SLC25A16: variants seen among roughly 807,000 people sequenced by gnomAD.
SLC25A16 encodes mitochondrial coenzyme A transporter SLC25A16.
Under a neutral mutation model 41.5 loss-of-function variants are expected in SLC25A16, and 39 were observed. The ratio of observed to expected loss-of-function variants is 0.94; its 90% CI spans 0.73 to 1.23. The LOEUF is 1.23. Ranked by LOEUF, SLC25A16 falls within the 50% of genes most tolerant of loss-of-function variation. SLC25A16 has a pLI of 0.00. For synonymous variants in SLC25A16, 146 were observed against 147.8 expected (o/e 0.99, Z 0.09); for missense variants, 421 against 426.9 (o/e 0.99, Z 0.12).
intron 4 of SLC25A16, chr10:68,499,853 G>T: frequency 1.9e-6 from 1 of 525,718 alleles, no homozygotes; most frequent in Admixed American, 2.5e-5. Flanking sequence ...GTTCTCACTA[G>T]GATAAAACTG....
Position 68,493,580 on chromosome 10 carries a change from A to G in SLC25A16, c.422-10T>C. 6.2e-7 allele frequency: 1 copy of G among 1,609,178 alleles called. No homozygotes were observed. Among genetic ancestry groups the G allele is most frequent in the Non-Finnish European group, 8.5e-7 (1 of 1,175,996 alleles). On this transcript the variant is annotated splice_polypyrimidine_tract_variant and intron_variant, in intron 4 of 8. Coordinates refer to ENST00000609923, the MANE Select transcript of SLC25A16 (RefSeq NM_152707.4). ...ATAACTGCTGTCATACCTGAAAAGAAAGTAGAAATTTAGAGGTACAATGAA... is the reference window on the plus strand; with the variant it reads ...ATAACTGCTGTCATACCTGAAAAGAGAGTAGAAATTTAGAGGTACAATGAA...
intron 3 of SLC25A16, among the ~76,000 whole-genome samples, chr10:68,505,125 C>A (rs1284848265): frequency 6.6e-6 from 1 of 152,060 alleles, no homozygotes; most frequent in African/African-American, 2.4e-5. Flanking sequence ...ACAGTGAGAC[C>A]CCATCTCTAC....
intron 1 of SLC25A16, chr10:68,517,678 T>C (rs535265911): frequency 1.3e-5 from 2 of 152,102 alleles, no homozygotes; most frequent in African/African-American, 4.8e-5. Context: ...CAAAAAATTT[T>C]TTAAAATCGG....
intron 1 of SLC25A16, among the ~76,000 whole-genome samples, chr10:68,526,942 C>T (rs892767458): frequency 2.0e-5 from 3 of 152,132 alleles, no homozygotes; most frequent in Non-Finnish European, 4.4e-5. Flanking sequence ...CACTAAAACC[C>T]CAGGGTCTCT....
At chr10:68,512,638 C>CAA (rs1163431016) in intron 2 of SLC25A16, among the ~76,000 whole-genome samples, 11 of 17,094 alleles carry the variant, frequency 6.4e-4, no homozygotes, top group East Asian at 1.8e-3. Context: ...GACTCCGTCT[C>CAA]AAAAAAAAAA....
rs748918944 is a variant in SLC25A16, at chr10:68,516,839, A to C, written c.135T>G (p.Ile45Met). The part of the protein sequence containing the change: ...YWLRSFLAGG[I>M]AGCCAKTTVA... ...CTGTTGTTTTGGCACAGCATCCAGC[A>C]ATACCTAAAAATTTTTCAAAAGGTC... Residue 45 changes from isoleucine (I) to methionine (M), a missense_variant, in exon 2 of 9, where the codon ATT (isoleucine) becomes ATG (methionine). Transcript: ENST00000609923. 11 of 1,610,712 alleles carry C rather than the reference A, an allele frequency of 6.8e-6. No individual in the cohort carries two copies. The highest frequency in any genetic ancestry group is 7.6e-6 in the Non-Finnish European group (9 of 1,178,422).
chr10:68,483,745 C>T (rs2052515478), intron 8 of SLC25A16, 157 bp from the exon 9 acceptor site: 1 of 185,602 alleles, frequency 5.4e-6, no homozygotes, highest in African/African-American at 2.4e-5. Context: ...TCACTGCAGC[C>T]TCTGCCTCCC....
intron 1 of SLC25A16, among the ~76,000 whole-genome samples, chr10:68,519,571 T>C (rs2053217507): frequency 6.6e-6 from 1 of 152,054 alleles, no homozygotes; most frequent in African/African-American, 2.4e-5. Flanking sequence ...TACATTTGGT[T>C]TCAGAATATT....
At chr10:68,488,322 G>GA (rs2052598828) in intron 7 of SLC25A16, 145 bp downstream of exon 7, 5 of 549,776 alleles carry the variant, frequency 9.1e-6, no homozygotes, top group East Asian at 3.3e-5. Flanking sequence ...ACACACATCT[G>GA]AAAAAATGTA....
chr10:68,496,562 T>C, intron 4 of SLC25A16: 1 of 983,976 alleles, frequency 1.0e-6, no homozygotes, highest in South Asian at 4.7e-5. Flanking sequence ...CTTTCAATTT[T>C]TATGAATGTG....
intron 1 of SLC25A16, among the ~76,000 whole-genome samples, chr10:68,526,974 C>T (rs2053347731): frequency 6.6e-6 from 1 of 152,190 alleles, no homozygotes; most frequent in Admixed American, 6.5e-5. Context: ...TCCTCTTTTC[C>T]CTGTTATCCA....
Position 68,506,590 on chromosome 10 carries a change from T to C in SLC25A16, c.352A>G (p.Lys118Glu), listed in dbSNP as rs764758123. Residue 118 changes from lysine (K) to glutamate (E), a missense_variant, in exon 3 of 9, where the codon AAA becomes GAA. Lys to Glu is a moderately conservative substitution (Grantham distance 56). Coordinates refer to ENST00000609923, the MANE Select transcript of SLC25A16 (RefSeq NM_152707.4). ...AIQFMAFEHY[K>E]TLITTKLGIS... ...AAAGATCAAAGTTTAACTACCGTTT[T>C]ATAATGCTCAAATGCCATAAACTGG... 1.0e-5 allele frequency: 16 copies of C among 1,578,446 alleles called. No homozygotes were observed. Among genetic ancestry groups the C allele is most frequent in the Non-Finnish European group, 1.2e-5 (14 of 1,165,594 alleles).
chr10:68,525,516 T>C (rs1019952660), intron 1 of SLC25A16, among the ~76,000 whole-genome samples: 3 of 152,168 alleles, frequency 2.0e-5, no homozygotes, highest in African/African-American at 7.2e-5. Flanking sequence ...GGTAGTGGTG[T>C]GATCATGGCT....
chr10:68,492,039 GC>G (rs1321996577), intron 6 of SLC25A16, among the ~76,000 whole-genome samples: 2 of 151,732 alleles, frequency 1.3e-5, no homozygotes, highest in East Asian at 3.9e-4. Context: ...TGTTGGCCAG[GC>G]CAGTCTCAAA....
intron 5 of SLC25A16, 36 bp downstream of exon 5, chr10:68,493,413 G>T (rs752774746): frequency 6.4e-7 from 1 of 1,568,660 alleles, no homozygotes; most frequent in East Asian, 2.2e-5. Context: ...AGTATAAAAG[G>T]GCATGTTATA....
intron 3 of SLC25A16, among the ~76,000 whole-genome samples, chr10:68,505,805 C>T (rs192242425): frequency 7.6e-4 from 115 of 152,098 alleles, no homozygotes; most frequent in African/African-American, 2.5e-3. Flanking sequence ...GAGACGGAGG[C>T]GGGTGGATCA....
chr10:68,499,462 G>A (rs2052804421), intron 4 of SLC25A16: 1 of 165,808 alleles, frequency 6.0e-6, no homozygotes, highest in Non-Finnish European at 1.3e-5. Context: ...GGGAAAGAAG[G>A]AGACCTTCCT....
chr10:68,488,014 G>A (rs759539925), intron 7 of SLC25A16, among the ~76,000 whole-genome samples: 41 of 151,958 alleles, frequency 2.7e-4, no homozygotes, highest in Non-Finnish European at 5.4e-4. Flanking sequence ...CACCACACCC[G>A]GCTAATTTTT....
chr10:68,497,755 T>G (rs1383063916), intron 4 of SLC25A16, among the ~76,000 whole-genome samples: 2 of 152,026 alleles, frequency 1.3e-5, no homozygotes, highest in Non-Finnish European at 2.9e-5. Context: ...TAGTTGGGAT[T>G]ACAGGTGTGC....
Sources: gnomAD v4.1 joint callset for allele counts (sites outside exome capture counted in the v4.1 genomes callset) on GRCh38, gnomAD v4.1.1 for gene constraint, MANE v1.5 for transcripts, NCBI Gene and HGNC (gene_info 2026-07-23, HGNC 2026-07-21) for gene names.